The following PSD3 variants were observed in gnomAD, a reference collection of about 807,000 sequenced individuals.
PSD3 encodes pleckstrin and Sec7 domain containing 3.
A neutral mutation model predicts 105.5 loss-of-function variants in PSD3; 49 were observed. The observed-to-expected ratio is 0.46, with a 90% CI of 0.37 to 0.59. PSD3 has a LOEUF of 0.59. PSD3 is among the 20% of genes least tolerant of loss of function. The probability of loss-of-function intolerance (pLI) is 0.00; values close to 1 mark genes in which losing one functional copy is unlikely to be tolerated. For missense variants in PSD3, 1,561 were observed against 1,263.8 expected, an observed-to-expected ratio of 1.24 and a Z score of -3.57; for synonymous variants, 557 against 457.8, an observed-to-expected ratio of 1.22 and a Z score of -2.77.
chr8:18,979,900 T>C (rs2129472676), intron 1 of PSD3: 1 of 152,300 alleles, frequency 6.6e-6, no homozygotes, highest in Middle Eastern at 3.4e-3. Context: ...GAAACAAACC[T>C]CCAAATCATT....
chr8:18,905,056 C>T (rs1445581274), intron 2 of PSD3, among the ~76,000 whole-genome samples: 5 of 152,112 alleles, frequency 3.3e-5, no homozygotes, highest in East Asian at 1.9e-4. Flanking sequence ...AAGGTACTAG[C>T]TTTGCAAATT....
chr8:19,001,318 T>C, intron 1 of PSD3, among the ~76,000 whole-genome samples: 1 of 151,650 alleles, frequency 6.6e-6, no homozygotes, highest in East Asian at 1.9e-4. Flanking sequence ...CCGTAGACTT[T>C]ATTTATTAGA....
At chr8:18,693,715 G>A (rs150391059) in intron 9 of PSD3, among the ~76,000 whole-genome samples, 279 of 152,302 alleles carry the variant, frequency 1.8e-3, no homozygotes, top group African/African-American at 6.5e-3. Flanking sequence ...CGGAAGCAAC[G>A]TGGCACTTTC....
At chr8:18,735,711 T>C (rs1171546851) in intron 9 of PSD3, among the ~76,000 whole-genome samples, 9 of 152,106 alleles carry the variant, frequency 5.9e-5, no homozygotes, top group Non-Finnish European at 1.0e-4. Context: ...CATAAGCAGT[T>C]AGAATCAGTA....
chr8:18,808,882 C>G, intron 4 of PSD3: 1 of 1,583,678 alleles, frequency 6.3e-7, no homozygotes, highest in Non-Finnish European at 8.6e-7. Flanking sequence ...AGCCTCACAG[C>G]CTTCCAAGAA....
intron 15 of PSD3, among the ~76,000 whole-genome samples, chr8:18,536,315 G>T (rs139129517): frequency 1.3e-5 from 2 of 152,266 alleles, no homozygotes; most frequent in Non-Finnish European, 2.9e-5. Flanking sequence ...CGGCTGCATG[G>T]CTCTTGTGGC....
chr8:18,857,203 G>C (rs1816079295), intron 4 of PSD3, among the ~76,000 whole-genome samples: 1 of 152,188 alleles, frequency 6.6e-6, no homozygotes, highest in African/African-American at 2.4e-5. Flanking sequence ...ATCCCCCTGA[G>C]AACGGGGACT....
At chr8:18,860,024 T>G (rs1389351529) in intron 4 of PSD3, among the ~76,000 whole-genome samples, 3 of 152,216 alleles carry the variant, frequency 2.0e-5, no homozygotes, top group Admixed American at 1.3e-4. Flanking sequence ...TCACCAAGTT[T>G]AATCCTTTCT....
intron 1 of PSD3, among the ~76,000 whole-genome samples, chr8:18,942,335 T>A (rs778557943): frequency 3.3e-4 from 50 of 152,194 alleles, no homozygotes; most frequent in Non-Finnish European, 6.5e-4. Context: ...CTGCACTTGA[T>A]CCTGCTCAAT....
rs117994117 is a variant in PSD3 at position 18,694,202 on chromosome 8, C to T, written c.2173-38517G>A. The stretch of plus-strand genomic sequence containing the variant: ...GTTCCTGGTCCCTTCAACACCTGCC[C>T]ACCACACCCACCTGAGCCCTAACCT... On this transcript the variant is annotated intron_variant, in intron 9 of 15. Transcript: ENST00000327040. Among the ~76,000 whole-genome samples, 801 of 152,302 alleles carry T rather than the reference C, an allele frequency of 5.3e-3. 23 individuals carry two copies. Among genetic ancestry groups the T allele is most frequent in the East Asian group, 0.029 (149 of 5,180 alleles).
At chr8:19,061,357 A>C (rs1187365413) in intron 1 of PSD3, among the ~76,000 whole-genome samples, 1 of 152,168 alleles carries the variant, frequency 6.6e-6, no homozygotes, top group East Asian at 1.9e-4. Context: ...AAATTTAATC[A>C]CTGGCGACAA....
chr8:18,789,973 A>C (rs1382236948), intron 8 of PSD3, among the ~76,000 whole-genome samples: 1 of 152,226 alleles, frequency 6.6e-6, no homozygotes, highest in Non-Finnish European at 1.5e-5. Flanking sequence ...TCCCTCAATA[A>C]GCCCCACTGA....
intron 9 of PSD3, among the ~76,000 whole-genome samples, chr8:18,757,845 TTATA>T (rs1267824799): frequency 2.6e-5 from 4 of 152,216 alleles, no homozygotes; most frequent in African/African-American, 7.2e-5. Context: ...TTTAATACTG[TTATA>T]TAGTTATTTC....
At chr8:18,595,392 GA>G (rs1377494137) in intron 12 of PSD3, among the ~76,000 whole-genome samples, 1 of 151,080 alleles carries the variant, frequency 6.6e-6, no homozygotes. Context: ...CTTTAAATAT[GA>G]ATGGATTAAA....
rs1015689206 is a variant in PSD3, at chr8:18,556,773, A to C, written c.2785-421T>G. 3.9e-5 allele frequency among the ~76,000 whole-genome samples: 6 copies of C among 152,356 alleles called. No homozygotes were observed. The South Asian group carries it at 6.2e-4, about 16-fold the overall frequency. On this transcript the variant is annotated intron_variant, in intron 14 of 15. Coordinates refer to ENST00000327040, the MANE Select transcript of PSD3 (RefSeq NM_015310.4). ...GCCAGCTTTTCCATCCATCACAATG[A>C]ATGAATTGTAATTGTCTATGTGCAT...
chr8:18,849,224 A>G (rs574017022), intron 4 of PSD3: 1 of 152,360 alleles, frequency 6.6e-6, no homozygotes, highest in Admixed American at 6.5e-5. Flanking sequence ...ATTGCAAATG[A>G]AAGGGTCTAA....
intron 9 of PSD3, among the ~76,000 whole-genome samples, chr8:18,752,569 A>ATATAT (rs1255546456): frequency 8.8e-5 from 7 of 79,150 alleles, no homozygotes; most frequent in African/African-American, 5.8e-4. Flanking sequence ...TATATATTAT[A>ATATAT]TATATAATTA....
chr8:18,785,297 G>A (rs1809035312), intron 8 of PSD3, among the ~76,000 whole-genome samples: 1 of 152,118 alleles, frequency 6.6e-6, no homozygotes, highest in South Asian at 2.1e-4. Flanking sequence ...TAGACCTTCT[G>A]GATAGCTTGC....
chr8:18,824,369 T>C (rs548323939), intron 4 of PSD3, among the ~76,000 whole-genome samples: 144 of 152,298 alleles, frequency 9.5e-4, no homozygotes, highest in African/African-American at 3.3e-3. Context: ...AAATGATAAA[T>C]TTGGAGGCTC....
Sources: allele counts gnomAD v4.1 joint callset (sites outside exome capture counted in the v4.1 genomes callset), GRCh38; gene constraint gnomAD v4.1.1; transcripts MANE v1.5; gene names NCBI Gene and HGNC (gene_info 2026-07-23, HGNC 2026-07-21).